The following PAX5 variants were observed in gnomAD, a reference collection of about 807,000 sequenced individuals.
PAX5 encodes the protein paired box 5, also known as paired box protein Pax-5.
Under a neutral mutation model 43.7 loss-of-function variants are expected in PAX5, and 9 were observed. The ratio of observed to expected loss-of-function variants is 0.21; its 90% CI spans 0.12 to 0.36. The LOEUF is 0.36. Ranked by LOEUF, PAX5 falls within the 10% of genes least tolerant of loss-of-function variation. The pLI, the probability that PAX5 is intolerant of heterozygous loss-of-function variation, is 1.00. For missense variants in PAX5, 383 were observed against 532.7 expected, an observed-to-expected ratio of 0.72 and a Z score of 2.77; for synonymous variants, 228 against 214.3, an observed-to-expected ratio of 1.06 and a Z score of -0.56.
rs1050482224 is a variant in PAX5, at chr9:36,839,648, G to A, written c.*912C>T. ...CCGTTCCAGGGGCTGAGGGAGTAGG[G>A]AGAGCCTCAGGCCCCTCCTTGGCTG... On this transcript the variant is annotated 3_prime_UTR_variant, in exon 10 of 10. Transcript: ENST00000358127. The A allele has an allele frequency of 4.3e-6, 1 of 233,256 alleles. No individual in the cohort carries two copies. Among genetic ancestry groups the A allele is most frequent in the Admixed American group, 5.6e-5 (1 of 17,792 alleles). 14.4% of individuals were successfully genotyped at this position (233,256 alleles called of 1,614,324 possible).
chr9:36,984,127 C>T lies in PAX5; in HGVS notation c.605-17403G>A, dbSNP rs564133259. ...AGCAGCTTCTCCTCCCTGCTGGAGC[C>T]TTCTCTCAGCTGTCTATACCTAGGT... On this transcript the variant is annotated intron_variant, in intron 5 of 9. Coordinates refer to ENST00000358127, the MANE Select transcript of PAX5 (RefSeq NM_016734.3). Among the ~76,000 whole-genome samples the T allele has an allele frequency of 2.0e-5, 3 of 152,306 alleles. No homozygotes were observed. In the South Asian group the frequency reaches 6.2e-4, roughly 32 times the overall value.
At chr9:36,894,676 C>T (rs561899916) in intron 7 of PAX5, among the ~76,000 whole-genome samples, 56 of 152,334 alleles carry the variant, frequency 3.7e-4, no homozygotes, top group African/African-American at 1.3e-3. Context: ...TTAACAAATA[C>T]AGGTAAGGCC....
chr9:36,967,742 G>A (rs1588107526), intron 5 of PAX5, among the ~76,000 whole-genome samples: 1 of 152,170 alleles, frequency 6.6e-6, no homozygotes, highest in Non-Finnish European at 1.5e-5. Flanking sequence ...AGGTGAGGGG[G>A]AGAGACTTTT....
intron 5 of PAX5, among the ~76,000 whole-genome samples, chr9:36,986,246 G>C (rs1228049020): frequency 1.3e-5 from 2 of 150,598 alleles, no homozygotes; most frequent in South Asian, 2.1e-4. Flanking sequence ...CATTCATTAC[G>C]GGCCTCTCCT....
intron 6 of PAX5, among the ~76,000 whole-genome samples, chr9:36,952,977 C>A (rs894352777): frequency 4.6e-5 from 7 of 152,214 alleles, no homozygotes; most frequent in East Asian, 1.9e-4. Flanking sequence ...TGAACTACAT[C>A]ATTTTCCTTC....
At chr9:36,942,986 C>A (rs9987557) in intron 6 of PAX5, among the ~76,000 whole-genome samples, 4,550 of 152,286 alleles carry the variant, frequency 0.03, 202 homozygotes, top group African/African-American at 0.1. Context: ...CTTGTCTTCC[C>A]GCTCTCCTTC....
intron 5 of PAX5, among the ~76,000 whole-genome samples, chr9:36,969,120 T>C (rs1446909584): frequency 6.6e-6 from 1 of 152,134 alleles, no homozygotes; most frequent in Non-Finnish European, 1.5e-5. Flanking sequence ...TCCACCAGCT[T>C]CAGTTATACT....
intron 8 of PAX5, among the ~76,000 whole-genome samples, chr9:36,847,548 G>A (rs767637756): frequency 2.0e-5 from 3 of 152,230 alleles, no homozygotes; most frequent in Admixed American, 6.5e-5. Flanking sequence ...GAACTGTGCT[G>A]AAATGAAACA....
intron 3 of PAX5, chr9:37,008,005 A>T (rs1451011861): frequency 6.6e-6 from 1 of 151,942 alleles, no homozygotes; most frequent in Non-Finnish European, 1.5e-5. Context: ...TCATCCTCCC[A>T]AGTATCTAGG....
At chr9:37,002,040 T>C (rs114479883) in intron 5 of PAX5, among the ~76,000 whole-genome samples, 1,639 of 151,496 alleles carry the variant, frequency 0.011, 27 homozygotes, top group African/African-American at 0.038. Flanking sequence ...ACCGGGAAGA[T>C]TGTCATCTTT....
intron 8 of PAX5, among the ~76,000 whole-genome samples, chr9:36,877,974 G>A (rs1259525286): frequency 6.6e-6 from 1 of 152,198 alleles, no homozygotes; most frequent in African/African-American, 2.4e-5. Flanking sequence ...AGATGGAGCA[G>A]GGAAACACTG....
intron 5 of PAX5, among the ~76,000 whole-genome samples, chr9:36,976,199 C>T (rs1391804928): frequency 6.6e-6 from 1 of 152,138 alleles, no homozygotes; most frequent in African/African-American, 2.4e-5. Flanking sequence ...CTCTAAGCTC[C>T]CTGGCAGCAT....
At chr9:36,845,705 G>A (rs1822501545) in intron 9 of PAX5, among the ~76,000 whole-genome samples, 2 of 152,192 alleles carry the variant, frequency 1.3e-5, no homozygotes, top group African/African-American at 2.4e-5. Flanking sequence ...CATACTGTGT[G>A]TCTGTCCTAG....
At chr9:36,973,140 G>GAAAGGAAAGA (rs1835107362) in intron 5 of PAX5, among the ~76,000 whole-genome samples, 12 of 69,560 alleles carry the variant, frequency 1.7e-4, no homozygotes, top group East Asian at 6.9e-4. Context: ...GAAAGAAAAG[G>GAAAGGAAAGA]AAAGGAAAGG....
At chr9:37,025,459 G>C (rs879714099) in intron 1 of PAX5, among the ~76,000 whole-genome samples, 1 of 152,196 alleles carries the variant, frequency 6.6e-6, no homozygotes, top group African/African-American at 2.4e-5. Flanking sequence ...GCATGGGGAC[G>C]GCTCCTAGCC....
In PAX5 at chr9:37,007,605, G is replaced by A. The variant is rs1015867857; in HGVS notation, c.411-1068C>T. On this transcript the variant is annotated intron_variant, in intron 3 of 9. Transcript: ENST00000358127. The stretch of plus-strand genomic sequence containing the variant: ...CTTCCTTGGCATTTGGGAGAAGAGT[G>A]GGTCATAATAAAATGTCCGGTTTCT... 2.6e-5 allele frequency: 4 copies of A among 152,274 alleles called. No individual in the cohort carries two copies. The East Asian group carries it at 7.7e-4, about 29-fold the overall frequency. 9.4% of individuals were successfully genotyped at this position (152,274 alleles called of 1,614,324 possible).
At chr9:36,896,383 T>A (rs1235714985) in intron 7 of PAX5, among the ~76,000 whole-genome samples, 1 of 151,528 alleles carries the variant, frequency 6.6e-6, no homozygotes, top group African/African-American at 2.4e-5. Context: ...AATTATTTCC[T>A]CAAACCAAGC....
At chr9:37,014,562 C>A (rs1324301752) in intron 3 of PAX5, among the ~76,000 whole-genome samples, 1 of 152,236 alleles carries the variant, frequency 6.6e-6, no homozygotes, top group Non-Finnish European at 1.5e-5. Flanking sequence ...CTGGCTCAAG[C>A]TCTGCCCAAA....
At chr9:36,931,655 C>T (rs940449699) in intron 6 of PAX5, among the ~76,000 whole-genome samples, 1 of 152,080 alleles carries the variant, frequency 6.6e-6, no homozygotes, top group Non-Finnish European at 1.5e-5. Context: ...TCAAGACCAG[C>T]CTGGCCAACA....
Sources: allele counts gnomAD v4.1 joint callset (sites outside exome capture counted in the v4.1 genomes callset), GRCh38; gene constraint gnomAD v4.1.1; transcripts MANE v1.5; gene names NCBI Gene and HGNC (gene_info 2026-07-23, HGNC 2026-07-21).